The following CDC25C variants were observed in gnomAD, a reference collection of about 807,000 sequenced individuals.
CDC25C encodes the protein M-phase inducer phosphatase 3.
A neutral mutation model predicts 52.5 loss-of-function variants in CDC25C; 48 were observed. That is an observed-to-expected ratio of 0.91 (90% CI 0.72 to 1.16). The LOEUF (loss-of-function observed/expected upper bound fraction) is 1.16. Ranked by LOEUF, CDC25C falls within the 50% of genes most tolerant of loss-of-function variation. The pLI is 0.00. For synonymous variants in CDC25C, 187 were observed against 206.5 expected, an observed-to-expected ratio of 0.91 and a Z score of 0.81; for missense variants, 510 against 566.1, an observed-to-expected ratio of 0.90 and a Z score of 1.01.
At chr5:138,295,867 A>G (rs2126681285) in intron 7 of CDC25C, among the ~76,000 whole-genome samples, 1 of 152,320 alleles carries the variant, frequency 6.6e-6, no homozygotes, top group Non-Finnish European at 1.5e-5. Context: ...ATCACCAGAG[A>G]GTTTCCAAAT....
At chr5:138,326,952 C>CAAAAAAAA (rs1208599313) in intron 4 of CDC25C, among the ~76,000 whole-genome samples, 1 of 61,404 alleles carries the variant, frequency 1.6e-5, no homozygotes, top group Admixed American at 2.0e-4. Flanking sequence ...AACTCCGTCT[C>CAAAAAAAA]AAAAAAAAAA....
At chr5:138,290,131 T>C (rs1756584704) in intron 9 of CDC25C, among the ~76,000 whole-genome samples, 2 of 152,122 alleles carry the variant, frequency 1.3e-5, no homozygotes, top group Non-Finnish European at 2.9e-5. Context: ...CTGATATAAT[T>C]ATTAAATGAG....
chr5:138,320,915 CAAAAAAAAAAAAAA>C (rs57923567), intron 6 of CDC25C, among the ~76,000 whole-genome samples: 8 of 42,228 alleles, frequency 1.9e-4, no homozygotes, highest in East Asian at 8.7e-4. Context: ...GACTCTGTCT[CAAAAAAAAAAAAAA>C]AAAAAAAAAA....
chr5:138,286,078 A>G lies in CDC25C; in HGVS notation c.1216T>C (p.Tyr406His), dbSNP rs998725442. The change falls in exon 13 of 14, where the codon TAC becomes CAC. Residue 406 changes from tyrosine (Y) to histidine (H), a missense_variant. By Grantham distance (83) the Tyr-to-His change is moderately conservative (BLOSUM62 2). Coordinates refer to ENST00000323760, the MANE Select transcript of CDC25C (RefSeq NM_001790.5). ...CCTTTAAGGATATATAGCTCTGGGT[A>G]GTACAATGCAGGATACTGGTTCAGA... is the stretch of plus-strand genomic sequence containing the variant. Reference protein sequence around the residue: ...RSLNQYPALYYPELYILKGGY... With the variant: ...RSLNQYPALYHPELYILKGGY... 5 of 1,614,022 alleles carry G rather than the reference A, an allele frequency of 3.1e-6. No individual in the cohort carries two copies. In the African/African-American group the frequency reaches 6.7e-5, roughly 22 times the overall value.
At chr5:138,300,389 C>T (rs933965774) in intron 7 of CDC25C, among the ~76,000 whole-genome samples, 2 of 152,070 alleles carry the variant, frequency 1.3e-5, no homozygotes, top group East Asian at 3.8e-4. Context: ...CATGGTAAAA[C>T]GCTGTCTCTA....
At chr5:138,294,219 T>G (rs1406830743) in intron 7 of CDC25C, among the ~76,000 whole-genome samples, 5 of 144,582 alleles carry the variant, frequency 3.5e-5, no homozygotes, top group South Asian at 2.2e-4. Flanking sequence ...TGAGATGGAG[T>G]CTAGCTCTGT....
intron 7 of CDC25C, among the ~76,000 whole-genome samples, chr5:138,310,535 A>G (rs1204127115): frequency 6.6e-6 from 1 of 152,228 alleles, no homozygotes; most frequent in Non-Finnish European, 1.5e-5. Flanking sequence ...GTTTAGTCGT[A>G]TACTACAATA....
At chr5:138,329,489 C>G in intron 3 of CDC25C, 64 bp downstream of exon 3, 1 of 1,040,692 alleles carries the variant, frequency 9.6e-7, no homozygotes, top group Non-Finnish European at 1.5e-6. Context: ...CTCTATCCTC[C>G]TTCCCTGTTT....
intron 7 of CDC25C, among the ~76,000 whole-genome samples, chr5:138,295,169 T>G (rs986584838): frequency 1.3e-5 from 2 of 152,244 alleles, no homozygotes; most frequent in African/African-American, 4.8e-5. Context: ...CATAGGTCTA[T>G]TTCTCAAATC....
chr5:138,293,798 C>T (rs1756937032), intron 7 of CDC25C, among the ~76,000 whole-genome samples: 1 of 151,956 alleles, frequency 6.6e-6, no homozygotes, highest in African/African-American at 2.4e-5. Context: ...AGATGCGCAT[C>T]ACCATGCCCA....
chr5:138,328,670 C>G, intron 3 of CDC25C, 141 bp from the exon 4 acceptor site: 1 of 674,546 alleles, frequency 1.5e-6, no homozygotes, highest in East Asian at 2.7e-5. Context: ...TCGATTGGTA[C>G]CCATTTCATG....
upstream of CDC25C, among the ~76,000 whole-genome samples, chr5:138,334,322 C>T (rs1226676673): frequency 6.6e-6 from 1 of 152,110 alleles, no homozygotes; most frequent in Non-Finnish European, 1.5e-5. Context: ...TGAGGCCAGC[C>T]TGGGCAACAT....
At chr5:138,289,871 CAAAAA>C (rs756616111) in intron 9 of CDC25C, among the ~76,000 whole-genome samples, 2 of 80,396 alleles carry the variant, frequency 2.5e-5, no homozygotes. Context: ...TATGAGCAGC[CAAAAA>C]AAAAAAAAAA....
At chr5:138,322,726 C>T (rs570036336) in intron 6 of CDC25C, among the ~76,000 whole-genome samples, 3 of 149,838 alleles carry the variant, frequency 2.0e-5, no homozygotes, top group Non-Finnish European at 3.0e-5. Context: ...CCGCCCACCT[C>T]GGCCTCCCAA....
intron 7 of CDC25C, among the ~76,000 whole-genome samples, chr5:138,312,790 T>C (rs1255755445): frequency 3.9e-5 from 6 of 152,208 alleles, no homozygotes; most frequent in Non-Finnish European, 8.8e-5. Context: ...ATGTATGTAA[T>C]ACTACTAAAC....
At position 138,289,495 on chromosome 5, in the gene CDC25C, G is replaced by C. The variant is rs149011467; in HGVS notation, c.927+6C>G. On this transcript the variant is annotated splice_donor_region_variant and intron_variant, in intron 10 of 13. Coordinates refer to ENST00000323760, the MANE Select transcript of CDC25C (RefSeq NM_001790.5). ...AACCAGTTACCATCTCCAGAAATCTGCTTACTGTTTCTGGGTTGACATACT... is the reference window on the plus strand; with the variant it reads ...AACCAGTTACCATCTCCAGAAATCTCCTTACTGTTTCTGGGTTGACATACT... The C allele has an allele frequency of 6.3e-4, 1,012 of 1,607,390 alleles. 2 individuals carry two copies. Among genetic ancestry groups the C allele is most frequent in the Non-Finnish European group, 7.3e-4 (859 of 1,173,842 alleles).
intron 6 of CDC25C, among the ~76,000 whole-genome samples, chr5:138,321,481 C>T (rs1269833425): frequency 5.9e-5 from 9 of 152,148 alleles, no homozygotes; most frequent in African/African-American, 1.2e-4. Flanking sequence ...TGGCCAGGCG[C>T]GGTGGCTCAT....
intron 6 of CDC25C, among the ~76,000 whole-genome samples, chr5:138,322,400 A>G (rs900732143): frequency 2.7e-5 from 4 of 147,910 alleles, no homozygotes; most frequent in African/African-American, 1.0e-4. Context: ...CCTGGGTTCA[A>G]CTGATTCTCC....
intron 4 of CDC25C, among the ~76,000 whole-genome samples, chr5:138,326,925 CTA>C (rs1171523468): frequency 2.5e-4 from 32 of 130,194 alleles, no homozygotes; most frequent in African/African-American, 9.7e-4. Flanking sequence ...GCACTTAAGC[CTA>C]GGCAACAAGA....
Sources: allele counts gnomAD v4.1 joint callset (sites outside exome capture counted in the v4.1 genomes callset), GRCh38; gene constraint gnomAD v4.1.1; transcripts MANE v1.5; gene names NCBI Gene and HGNC (gene_info 2026-07-23, HGNC 2026-07-21).